KCTD8: variants seen among roughly 807,000 people sequenced by gnomAD.
KCTD8 encodes BTB/POZ domain-containing protein KCTD8.
KCTD8 carries 27 observed loss-of-function variants against 31.5 expected under a neutral mutation model. The ratio of observed to expected loss-of-function variants is 0.86; its 90% CI spans 0.63 to 1.18. KCTD8 has a LOEUF of 1.18. KCTD8 is among the 50% of genes most tolerant of loss of function. The pLI is 0.00. For missense variants in KCTD8, 658 were observed against 647.7 expected (o/e 1.02, Z -0.17); for synonymous variants, 290 against 280.0 (o/e 1.04, Z -0.36).
chr4:44,347,695 A>G (rs539900814), intron 1 of KCTD8, among the ~76,000 whole-genome samples: 1 of 152,344 alleles, frequency 6.6e-6, no homozygotes, highest in African/African-American at 2.4e-5. Context: ...AGATTAAAAT[A>G]TGAGCATTAT....
chr4:44,384,904 T>C (rs982393877), intron 1 of KCTD8, among the ~76,000 whole-genome samples: 4 of 151,606 alleles, frequency 2.6e-5, no homozygotes, highest in African/African-American at 7.3e-5. Flanking sequence ...GGTATCCGCA[T>C]AAATATGTAT....
At chr4:44,413,265 T>C (rs1432346690) in intron 1 of KCTD8, among the ~76,000 whole-genome samples, 1 of 152,200 alleles carries the variant, frequency 6.6e-6, no homozygotes, top group Non-Finnish European at 1.5e-5. Flanking sequence ...TGACAGAATT[T>C]GTTAAAATTT....
chr4:44,189,047 G>T (rs553455828), intron 1 of KCTD8, among the ~76,000 whole-genome samples: 75 of 152,242 alleles, frequency 4.9e-4, no homozygotes, highest in South Asian at 1.9e-3. Flanking sequence ...TTATATAAGT[G>T]AACATAATAT....
chr4:44,281,720 G>C (rs1716909895), intron 1 of KCTD8, among the ~76,000 whole-genome samples: 1 of 152,108 alleles, frequency 6.6e-6, no homozygotes, highest in Non-Finnish European at 1.5e-5. Context: ...ATTGAGAGCA[G>C]CTATGTAGAA....
chr4:44,394,793 C>T (rs779817823), intron 1 of KCTD8, among the ~76,000 whole-genome samples: 7 of 152,204 alleles, frequency 4.6e-5, no homozygotes, highest in Admixed American at 2.0e-4. Context: ...AAGAAATAGA[C>T]ACATTAATTG....
At chr4:44,338,921 T>C (rs1201552942) in intron 1 of KCTD8, among the ~76,000 whole-genome samples, 1 of 152,072 alleles carries the variant, frequency 6.6e-6, no homozygotes, top group African/African-American at 2.4e-5. Flanking sequence ...AAAATAAGTA[T>C]ATAGGAGAAA....
chr4:44,191,522 A>T (rs1713764423), intron 1 of KCTD8, among the ~76,000 whole-genome samples: 1 of 152,162 alleles, frequency 6.6e-6, no homozygotes, highest in South Asian at 2.1e-4. Flanking sequence ...TTCTTTTACT[A>T]GCAAGGAATA....
intron 1 of KCTD8, among the ~76,000 whole-genome samples, chr4:44,341,096 T>C (rs1577625387): frequency 2.0e-5 from 3 of 152,216 alleles, no homozygotes; most frequent in African/African-American, 7.2e-5. Flanking sequence ...TATGAATTGT[T>C]TGGTTTCCCA....
intron 1 of KCTD8, among the ~76,000 whole-genome samples, chr4:44,312,009 A>C (rs1398843213): frequency 6.6e-6 from 1 of 151,962 alleles, no homozygotes; most frequent in Non-Finnish European, 1.5e-5. Context: ...GCCACTTTCC[A>C]CTTTCAGTTA....
rs758841860 is a variant in KCTD8 at position 44,174,851 on chromosome 4, T to G, written c.1361A>C (p.Asp454Ala). The G allele has an allele frequency of 1.2e-6, 2 of 1,613,764 alleles. No individual in the cohort carries two copies. Among genetic ancestry groups the G allele is most frequent in the African/African-American group, 2.7e-5 (2 of 74,862 alleles). The change falls in exon 2 of 2, where the codon GAT becomes GCT. Residue 454 changes from aspartate to alanine, a missense_variant. Asp to Ala is a moderately radical substitution (Grantham distance 126). Transcript: ENST00000360029. ...TTGGCGTTTGCGCTCTGGAAAATAA[T>G]CTGGAATGTGGATTTTTTTAAAATC... ...IQDFKKIHIPDYFPERKRQWQ... is the reference protein window; with the variant it reads ...IQDFKKIHIPAYFPERKRQWQ...
intron 1 of KCTD8, among the ~76,000 whole-genome samples, chr4:44,442,774 T>TACACAC (rs1553908576): frequency 2.0e-5 from 3 of 147,232 alleles, no homozygotes; most frequent in African/African-American, 7.6e-5. Context: ...AACTAAGGTA[T>TACACAC]ACACACACAC....
In KCTD8 at chr4:44,333,982, A is replaced by C. The variant is rs144828763; in HGVS notation, c.961+113581T>G. Among the ~76,000 whole-genome samples, 16 of 152,260 alleles carry C rather than the reference A, an allele frequency of 1.1e-4. No individual in the cohort carries two copies. In the East Asian group the frequency reaches 3.1e-3, roughly 29 times the overall value. ...GATCACAGACTGTTAGAAGCATGAG[A>C]AAAATTGAACACCATACAACTGGAG... On this transcript the variant is annotated intron_variant, in intron 1 of 1. Transcript: ENST00000360029.
chr4:44,348,757 C>G (rs1719105105), intron 1 of KCTD8, among the ~76,000 whole-genome samples: 1 of 152,060 alleles, frequency 6.6e-6, no homozygotes. Flanking sequence ...AGAACAAAAA[C>G]ACTTCAGACA....
intron 1 of KCTD8, among the ~76,000 whole-genome samples, chr4:44,288,058 T>C (rs1560416106): frequency 6.6e-6 from 1 of 152,184 alleles, no homozygotes; most frequent in Non-Finnish European, 1.5e-5. Flanking sequence ...AGACATTAAA[T>C]ATATGTCAAA....
chr4:44,441,436 A>G (rs894947425), intron 1 of KCTD8, among the ~76,000 whole-genome samples: 6 of 152,166 alleles, frequency 3.9e-5, no homozygotes, highest in African/African-American at 1.4e-4. Context: ...TATATTTACT[A>G]TATTTCTATG....
chr4:44,292,976 C>G (rs1400688180), intron 1 of KCTD8, among the ~76,000 whole-genome samples: 1 of 152,050 alleles, frequency 6.6e-6, no homozygotes, highest in Non-Finnish European at 1.5e-5. Context: ...AAGTCCTTTT[C>G]AAGCCTCCTT....
chr4:44,362,184 AGCC>A (rs751900417), intron 1 of KCTD8, among the ~76,000 whole-genome samples: 1 of 152,166 alleles, frequency 6.6e-6, no homozygotes, highest in African/African-American at 2.4e-5. Context: ...CTAAAATGCC[AGCC>A]ACACGTAGGT....
At chr4:44,428,969 C>T (rs1036042681) in intron 1 of KCTD8, among the ~76,000 whole-genome samples, 3 of 151,636 alleles carry the variant, frequency 2.0e-5, no homozygotes, top group African/African-American at 7.3e-5. Flanking sequence ...TCCATGCTAT[C>T]GATACAAATT....
chr4:44,413,999 G>T (rs1468539768), intron 1 of KCTD8, among the ~76,000 whole-genome samples: 1 of 152,122 alleles, frequency 6.6e-6, no homozygotes, highest in Non-Finnish European at 1.5e-5. Context: ...AAAAAGACTA[G>T]AAAACAGATT....
Sources: allele counts gnomAD v4.1 joint callset (sites outside exome capture counted in the v4.1 genomes callset), GRCh38; gene constraint gnomAD v4.1.1; transcripts MANE v1.5; gene names NCBI Gene and HGNC (gene_info 2026-07-23, HGNC 2026-07-21).